The following PHF12 variants were observed in gnomAD, a reference collection of about 807,000 sequenced individuals.
The protein encoded by PHF12 is PHD factor 1.
In PHF12, 6 loss-of-function variants were observed where a neutral mutation model predicts 99.8. The ratio of observed to expected loss-of-function variants is 0.06; its 90% CI spans 0.03 to 0.12. The LOEUF (loss-of-function observed/expected upper bound fraction) is 0.12, where lower values mean the gene tolerates loss of function less well. Among genes scored for constraint, PHF12 ranks in the 10% least tolerant of loss-of-function variants. The pLI is 1.00. For synonymous variants in PHF12, 480 were observed against 514.9 expected (o/e 0.93, Z 0.92); for missense variants, 954 against 1,300.1 (o/e 0.73, Z 4.09).
At position 28,909,159 on chromosome 17, in the gene PHF12, T is replaced by G. The variant is rs868224188; in HGVS notation, c.2360-278A>C. 2.7e-4 allele frequency: 109 copies of G among 406,942 alleles called. No homozygotes were observed. In the Middle Eastern group the frequency reaches 4.1e-3, roughly 15 times the overall value. 25.2% of individuals were successfully genotyped at this position (406,942 alleles called of 1,614,324 possible). On this transcript the variant is annotated intron_variant, in intron 11 of 14. Coordinates refer to ENST00000332830, the MANE Select transcript of PHF12 (RefSeq NM_001033561.2). ...GTAAGTTCCTGGGCTCCTGGCTGGCTAATCCGGGATATTCCAGCTGGTACT... is the reference window on the plus strand; with the variant it reads ...GTAAGTTCCTGGGCTCCTGGCTGGCGAATCCGGGATATTCCAGCTGGTACT...
intron 5 of PHF12, among the ~76,000 whole-genome samples, chr17:28,919,998 A>C (rs2035684289): frequency 6.6e-6 from 1 of 152,074 alleles, no homozygotes; most frequent in Non-Finnish European, 1.5e-5. Flanking sequence ...ATCACTAGCA[A>C]CCTTTCTGGA....
intron 6 of PHF12, among the ~76,000 whole-genome samples, chr17:28,917,885 G>C (rs539120174): frequency 6.6e-6 from 1 of 152,266 alleles, no homozygotes; most frequent in East Asian, 1.9e-4. Flanking sequence ...AAGCAGGACT[G>C]TGTCCTACAT....
At position 28,921,681 on chromosome 17, in the gene PHF12, A is replaced by C; in HGVS notation, c.836+7T>G. The C allele has an allele frequency of 6.2e-7, 1 of 1,613,826 alleles. No individual in the cohort carries two copies. On this transcript the variant is annotated splice_region_variant and intron_variant, in intron 5 of 14. Coordinates refer to ENST00000332830, the MANE Select transcript of PHF12 (RefSeq NM_001033561.2). ...GAGAAAGAGCCCCTTAGTATGAAAGAAAATACCTGTTACACGTGAAGCAGA... is the reference window on the plus strand; with the variant it reads ...GAGAAAGAGCCCCTTAGTATGAAAGCAAATACCTGTTACACGTGAAGCAGA...
intron 6 of PHF12, among the ~76,000 whole-genome samples, chr17:28,918,822 C>T (rs1030687403): frequency 2.0e-5 from 3 of 152,198 alleles, no homozygotes; most frequent in South Asian, 2.1e-4. Flanking sequence ...AGACAGCCAA[C>T]GATTTATTTC....
chr17:28,919,385 GATCCTAA>G, intron 5 of PHF12, 110 bp from the exon 6 acceptor site: 1 of 117,552 alleles, frequency 8.5e-6, no homozygotes, highest in African/African-American at 1.4e-4. Flanking sequence ...TCCCCTCCTT[GATCCTAA>G]CATTCTCCCC....
At position 28,912,081 on chromosome 17, in the gene PHF12, TGACAATA is replaced by T; in HGVS notation, c.2089+394_2089+400del. 24 of 1,021,200 alleles carry T rather than the reference TGACAATA, an allele frequency of 2.4e-5. No homozygotes were observed. In the South Asian group the frequency reaches 3.6e-4, roughly 15 times the overall value. The allele number at this position is 1,021,200 out of a possible 1,614,324, so 63.3% of individuals were successfully genotyped here. A position where few individuals can be genotyped will look rare whatever the true frequency, so the allele number is the denominator to read the frequency against. ...ATGAATCCATTCTTTTGTGTGGATC[TGACAATA>T]CTGAGGCCATCACGCAGAACCTCAG... is the stretch of plus-strand genomic sequence containing the variant. On this transcript the variant is annotated intron_variant, in intron 9 of 14. Coordinates refer to ENST00000332830, the MANE Select transcript of PHF12 (RefSeq NM_001033561.2).
At chr17:28,934,814 T>C (rs756877420) in intron 2 of PHF12, among the ~76,000 whole-genome samples, 1 of 152,202 alleles carries the variant, frequency 6.6e-6, no homozygotes, top group Non-Finnish European at 1.5e-5. Context: ...TTGGTCAGGC[T>C]GGTCTCGAAC....
chr17:28,939,925 A>G (rs2040583037), intron 2 of PHF12, among the ~76,000 whole-genome samples: 1 of 152,178 alleles, frequency 6.6e-6, no homozygotes, highest in African/African-American at 2.4e-5. Context: ...ACTCAAGCTT[A>G]TTTCAAAACG....
rs754276674 is a variant in PHF12, at chr17:28,911,200, G to A, written c.2127C>T (p.Ser709=). 15 of 1,614,032 alleles carry A rather than the reference G, an allele frequency of 9.3e-6. No individual in the cohort carries two copies. The highest frequency in any genetic ancestry group is 2.7e-5 in the African/African-American group (2 of 74,928). The change falls in exon 10 of 15, where the codon AGC becomes AGT. Residue 709 remains serine (S), a synonymous_variant. Transcript: ENST00000332830. ...CTGGGAAAGAGGGTACGGTTAAAGC[G>A]CTTCCTATGGATAACGTGCCGGGGC... ...KVSPGTLSIG[S]ALTVPSFPAN...
rs761975557 is a variant in PHF12 at position 28,917,388 on chromosome 17, G to A, written c.1031C>T (p.Thr344Ile). The A allele has an allele frequency of 6.2e-7, 1 of 1,614,086 alleles. No homozygotes were observed. The highest frequency in any genetic ancestry group is 2.2e-5 in the East Asian group (1 of 44,878). Reference sequence around the variant, plus strand: ...CACTTTGACGACATGCTGCGAAACGGTGTCCTGGAAACGATCAAACACCTG... The same window carrying A: ...CACTTTGACGACATGCTGCGAAACGATGTCCTGGAAACGATCAAACACCTG... ...RCQVFDRFQDTVSQHVVKVDF... is the reference protein window; with the variant it reads ...RCQVFDRFQDIVSQHVVKVDF... Residue 344 changes from threonine (T) to isoleucine (I), a missense_variant, in exon 7 of 15, where the codon ACC becomes ATC. Thr to Ile is a moderately conservative substitution (Grantham distance 89, BLOSUM62 -1). Around this residue, in one of 8 missense-constraint regions of PHF12, gnomAD observed 85 missense variants for 196.6 expected, o/e 0.43. Coordinates refer to ENST00000332830, the MANE Select transcript of PHF12 (RefSeq NM_001033561.2).
Position 28,949,556 on chromosome 17 carries a change from G to C in PHF12, c.248+509C>G, listed in dbSNP as rs1239063391. 1 of 154,066 alleles carries C rather than the reference G, an allele frequency of 6.5e-6. No homozygotes were observed. The highest frequency in any genetic ancestry group is 1.4e-5 in the Non-Finnish European group (1 of 69,226). The allele number at this position is 154,066 out of a possible 1,614,324, so 9.5% of individuals were successfully genotyped here. A position where few individuals can be genotyped will look rare whatever the true frequency, so the allele number is the denominator to read the frequency against. Reference sequence around the variant, plus strand: ...GCCATATTGTAAACAGAGAGGCAAAGAAGAGGCGGACTCGAGAGACACCCT... The same window carrying C: ...GCCATATTGTAAACAGAGAGGCAAACAAGAGGCGGACTCGAGAGACACCCT... On this transcript the variant is annotated intron_variant, in intron 2 of 14. Transcript: ENST00000332830. The surrounding 1 kb of genome is among the most constrained non-coding windows in gnomAD (Gnocchi z 4.6).
rs376110555 is a variant in PHF12, at chr17:28,921,660, A to C, written c.836+28T>G. On this transcript the variant is annotated intron_variant, in intron 5 of 14. Transcript: ENST00000332830. ...AAGTATCATCTGCTAAATAATGAGAAAGAGCCCCTTAGTATGAAAGAAAAT... is the reference window on the plus strand; with the variant it reads ...AAGTATCATCTGCTAAATAATGAGACAGAGCCCCTTAGTATGAAAGAAAAT... 4 of 1,610,618 alleles carry C rather than the reference A, an allele frequency of 2.5e-6. No homozygotes were observed. The African/African-American group carries it at 5.4e-5, about 22-fold the overall frequency.
chr17:28,919,816 T>C (rs188300158), intron 5 of PHF12, among the ~76,000 whole-genome samples: 4 of 152,336 alleles, frequency 2.6e-5, no homozygotes, highest in Admixed American at 6.5e-5. Flanking sequence ...AGGTTCTTCA[T>C]TATTCTCTCT....
chr17:28,928,642 C>T (rs758162796), intron 2 of PHF12, among the ~76,000 whole-genome samples: 2 of 151,878 alleles, frequency 1.3e-5, no homozygotes, highest in Non-Finnish European at 2.9e-5. Flanking sequence ...ATTAGCTGGG[C>T]GTGGTGGTGG....
chr17:28,935,480 C>T (rs1407204980), intron 2 of PHF12, among the ~76,000 whole-genome samples: 1 of 152,108 alleles, frequency 6.6e-6, no homozygotes, highest in African/African-American at 2.4e-5. Context: ...CCACGTTGGC[C>T]AGGCTGGTCT....
At chr17:28,917,531 A>G in intron 6 of PHF12, 82 bp from the exon 7 acceptor site, 1 of 1,461,488 alleles carries the variant, frequency 6.8e-7, no homozygotes, top group Non-Finnish European at 9.2e-7. Flanking sequence ...CTGTGTTTAA[A>G]AACTAGAAGC....
chr17:28,943,853 G>T (rs1278846204), intron 2 of PHF12, among the ~76,000 whole-genome samples: 1 of 152,182 alleles, frequency 6.6e-6, no homozygotes, highest in African/African-American at 2.4e-5. Flanking sequence ...GATGAACCTT[G>T]GAAAGATTCA....
intron 4 of PHF12, among the ~76,000 whole-genome samples, chr17:28,922,058 TTTTGCAAAC>T (rs2040176785): frequency 6.6e-6 from 1 of 152,094 alleles, no homozygotes; most frequent in African/African-American, 2.4e-5. Flanking sequence ...CATCTAACTG[TTTTGCAAAC>T]ATAAAATGGT....
intron 2 of PHF12, among the ~76,000 whole-genome samples, chr17:28,934,732 C>G (rs1278246305): frequency 1.3e-5 from 2 of 151,372 alleles, no homozygotes; most frequent in Non-Finnish European, 2.9e-5. Context: ...TCTGGAGTAG[C>G]TGGGATTACA....
Sources: gnomAD v4.1 joint callset for allele counts (sites outside exome capture counted in the v4.1 genomes callset) on GRCh38, gnomAD v4.1.1 for gene constraint, gnomAD v4.1.1 regional missense constraint, Gnocchi (gnomAD v3.1) non-coding constraint, MANE v1.5 for transcripts, NCBI Gene and HGNC (gene_info 2026-07-23, HGNC 2026-07-21) for gene names.